BABAM2: variants seen among roughly 807,000 people sequenced by gnomAD.
BABAM2 encodes the protein BRISC and BRCA1 A complex member 2.
BABAM2 carries 31 observed loss-of-function variants against 54.7 expected under a neutral mutation model. The ratio of observed to expected loss-of-function variants is 0.57; its 90% CI spans 0.43 to 0.77. The LOEUF (loss-of-function observed/expected upper bound fraction) is 0.77, where lower values mean the gene tolerates loss of function less well. Among genes scored for constraint, BABAM2 ranks in the 30% least tolerant of loss-of-function variants. BABAM2 has a pLI of 0.00. For synonymous variants in BABAM2, 167 were observed against 162.9 expected (o/e 1.03, Z -0.19); for missense variants, 364 against 455.8 (o/e 0.80, Z 1.83).
chr2:27,951,563 T>A (rs1669720997), intron 3 of BABAM2, among the ~76,000 whole-genome samples: 1 of 152,238 alleles, frequency 6.6e-6, no homozygotes, highest in African/African-American at 2.4e-5. Flanking sequence ...ACATGTTCAA[T>A]GTACACTGAA....
intron 7 of BABAM2, among the ~76,000 whole-genome samples, chr2:28,177,841 T>C (rs1352179800): frequency 6.6e-6 from 1 of 151,950 alleles, no homozygotes. Context: ...CAAGCAGAAG[T>C]ACTTATCTTA....
intron 7 of BABAM2, among the ~76,000 whole-genome samples, chr2:28,136,815 G>A (rs528607946): frequency 6.6e-6 from 1 of 152,276 alleles, no homozygotes; most frequent in Admixed American, 6.5e-5. Context: ...CAAGGGCTGG[G>A]ATAAAGTGAA....
intron 7 of BABAM2, among the ~76,000 whole-genome samples, chr2:28,209,484 GAACAGTAAT>G (rs1184214094): frequency 6.6e-6 from 1 of 152,190 alleles, no homozygotes; most frequent in East Asian, 1.9e-4. Flanking sequence ...CCTTGATAAG[GAACAGTAAT>G]AATTTTTATA....
chr2:28,283,257 C>T (rs1686531120), intron 10 of BABAM2, among the ~76,000 whole-genome samples: 1 of 152,192 alleles, frequency 6.6e-6, no homozygotes, highest in African/African-American at 2.4e-5. Flanking sequence ...AGGCAGTTCA[C>T]CACTCTATAG....
At chr2:27,910,656 A>T (rs1666514431) in intron 2 of BABAM2, among the ~76,000 whole-genome samples, 1 of 152,182 alleles carries the variant, frequency 6.6e-6, no homozygotes, top group Non-Finnish European at 1.5e-5. Context: ...AAATATATAT[A>T]TAAATGGAAT....
chr2:28,224,191 G>T (rs1484537656), intron 7 of BABAM2, among the ~76,000 whole-genome samples: 2 of 152,148 alleles, frequency 1.3e-5, no homozygotes, highest in Non-Finnish European at 2.9e-5. Flanking sequence ...TTCTCTACCT[G>T]TAACTGATGT....
At chr2:28,118,167 G>A (rs1668765276) in intron 6 of BABAM2, among the ~76,000 whole-genome samples, 1 of 152,182 alleles carries the variant, frequency 6.6e-6, no homozygotes, top group Non-Finnish European at 1.5e-5. Context: ...TGTAAATAGT[G>A]CTGCAGTAAA....
chr2:28,105,238 A>T (rs1281608119), intron 6 of BABAM2, among the ~76,000 whole-genome samples: 1 of 152,202 alleles, frequency 6.6e-6, no homozygotes, highest in Non-Finnish European at 1.5e-5. Context: ...CAAAAAAAAA[A>T]GTATTGCTTT....
At chr2:28,154,870 T>C (rs1672399203) in intron 7 of BABAM2, among the ~76,000 whole-genome samples, 1 of 152,234 alleles carries the variant, frequency 6.6e-6, no homozygotes, top group Non-Finnish European at 1.5e-5. Flanking sequence ...ATTTGTGTTC[T>C]TTTTGTCTTT....
At chr2:27,907,302 T>A (rs1227251704) in intron 2 of BABAM2, among the ~76,000 whole-genome samples, 3 of 152,090 alleles carry the variant, frequency 2.0e-5, no homozygotes, top group African/African-American at 7.2e-5. Context: ...CAACCTTTGC[T>A]CTTGCCAATT....
intron 7 of BABAM2, among the ~76,000 whole-genome samples, chr2:28,222,595 A>G (rs147606449): frequency 3.3e-5 from 5 of 152,328 alleles, no homozygotes; most frequent in South Asian, 4.1e-4. Context: ...ATACTGCTCT[A>G]TTAGTACATG....
chr2:28,064,681 C>A (rs1679161795), intron 6 of BABAM2, among the ~76,000 whole-genome samples: 1 of 152,134 alleles, frequency 6.6e-6, no homozygotes, highest in Admixed American at 6.6e-5. Context: ...TGCTAGTGCA[C>A]CCAGGCAATC....
chr2:28,274,966 G>T (rs748395901), intron 10 of BABAM2, among the ~76,000 whole-genome samples: 1 of 152,202 alleles, frequency 6.6e-6, no homozygotes, highest in Admixed American at 6.5e-5. Flanking sequence ...ACTGCAGGGG[G>T]TGGCTGCTTA....
chr2:28,112,469 G>A (rs144229647), intron 6 of BABAM2, among the ~76,000 whole-genome samples: 10,702 of 151,650 alleles, frequency 0.071, 504 homozygotes, highest in African/African-American at 0.13. Flanking sequence ...TTGGTTTTCT[G>A]TTCTTGTGTT....
chr2:27,986,718 TG>T (rs1217199640), intron 3 of BABAM2, among the ~76,000 whole-genome samples: 1 of 152,302 alleles, frequency 6.6e-6, no homozygotes, highest in East Asian at 1.9e-4. Flanking sequence ...TGTTTACATT[TG>T]GATAAAATTT....
intron 4 of BABAM2, among the ~76,000 whole-genome samples, chr2:28,010,079 T>C (rs189360235): frequency 1.2e-4 from 19 of 152,334 alleles, no homozygotes; most frequent in African/African-American, 4.6e-4. Flanking sequence ...AAGACACATG[T>C]CAGTAATCAA....
chr2:28,092,219 C>A, intron 6 of BABAM2, among the ~76,000 whole-genome samples: 1 of 151,774 alleles, frequency 6.6e-6, no homozygotes, highest in African/African-American at 2.4e-5. Context: ...TAATCAATGC[C>A]ATAAGACGAG....
At chr2:28,009,709 T>A (rs908498023) in intron 4 of BABAM2, among the ~76,000 whole-genome samples, 2 of 152,012 alleles carry the variant, frequency 1.3e-5, no homozygotes, top group African/African-American at 4.8e-5. Context: ...ATGGCAGTAG[T>A]TTAAGGAAGT....
At chr2:28,173,543 C>G (rs911446924) in intron 7 of BABAM2, among the ~76,000 whole-genome samples, 5 of 152,180 alleles carry the variant, frequency 3.3e-5, no homozygotes, top group African/African-American at 9.7e-5. Flanking sequence ...CTGCAGTGAC[C>G]CAGCATAGTG....
Sources: allele counts gnomAD v4.1 joint callset (sites outside exome capture counted in the v4.1 genomes callset), GRCh38; gene constraint gnomAD v4.1.1; transcripts MANE v1.5; gene names NCBI Gene and HGNC (gene_info 2026-07-23, HGNC 2026-07-21).